The following PAPSS1 variants were observed in gnomAD, a reference collection of about 807,000 sequenced individuals.
PAPSS1 encodes 3'-phosphoadenosine 5'-phosphosulfate synthase 1, also known as bifunctional 3'-phosphoadenosine 5'-phosphosulfate synthase 1.
In PAPSS1, 50 loss-of-function variants were observed where a neutral mutation model predicts 72.0. The ratio of observed to expected loss-of-function variants is 0.69; its 90% confidence interval spans 0.55 to 0.88. The LOEUF (loss-of-function observed/expected upper bound fraction) is 0.88, where lower values mean the gene tolerates loss of function less well. Among genes scored for constraint, PAPSS1 ranks in the 40% least tolerant of loss-of-function variants. PAPSS1 has a pLI of 0.00. For missense variants in PAPSS1, 657 were observed against 782.2 expected, an observed-to-expected ratio of 0.84 and a Z score of 1.91; for synonymous variants, 261 against 263.6, an observed-to-expected ratio of 0.99 and a Z score of 0.09.
At chr4:107,647,993 T>A (rs1391277547) in intron 9 of PAPSS1, among the ~76,000 whole-genome samples, 1 of 152,212 alleles carries the variant, frequency 6.6e-6, no homozygotes, top group African/African-American at 2.4e-5. Flanking sequence ...TCAATTCTTC[T>A]ACCTTTCCTA....
chr4:107,700,076 G>A (rs747754857), intron 2 of PAPSS1, among the ~76,000 whole-genome samples: 10 of 152,102 alleles, frequency 6.6e-5, no homozygotes, highest in Non-Finnish European at 1.2e-4. Context: ...ATGAGGAAAT[G>A]GGAAGAATGT....
chr4:107,709,449 C>A lies in PAPSS1; in HGVS notation c.61-8164G>T, dbSNP rs1002425316. 2.6e-5 allele frequency among the ~76,000 whole-genome samples: 4 copies of A among 152,206 alleles called. No individual in the cohort carries two copies. The East Asian group carries it at 7.7e-4, about 29-fold the overall frequency. On this transcript the variant is annotated intron_variant, in intron 1 of 11. Coordinates refer to ENST00000265174, the MANE Select transcript of PAPSS1 (RefSeq NM_005443.5). The stretch of plus-strand genomic sequence containing the variant: ...AGTTTAAATGATAATACTACTTCCC[C>A]AAAAGTAAACCATCTTTTAAAGCTA...
At chr4:107,672,210 A>G (rs565060024) in intron 5 of PAPSS1, among the ~76,000 whole-genome samples, 7 of 152,310 alleles carry the variant, frequency 4.6e-5, no homozygotes, top group African/African-American at 7.2e-5. Flanking sequence ...GGAGTGTCAG[A>G]AAGTGGGTGC....
intron 5 of PAPSS1, among the ~76,000 whole-genome samples, chr4:107,678,593 G>T (rs1323235076): frequency 1.3e-5 from 2 of 152,056 alleles, no homozygotes; most frequent in African/African-American, 4.8e-5. Flanking sequence ...CAGGTAAGAG[G>T]AAAACAGCTA....
chr4:107,659,573 CAGAG>C (rs545068742), intron 6 of PAPSS1, among the ~76,000 whole-genome samples: 1 of 152,040 alleles, frequency 6.6e-6, no homozygotes, highest in African/African-American at 2.4e-5. Context: ...CAATATAAGA[CAGAG>C]AGAGTCAAGT....
intron 1 of PAPSS1, among the ~76,000 whole-genome samples, chr4:107,702,893 A>T (rs771391866): frequency 2.6e-5 from 4 of 152,222 alleles, no homozygotes; most frequent in Non-Finnish European, 5.9e-5. Context: ...TTGCTGGATC[A>T]TATGGTAGTT....
intron 10 of PAPSS1, among the ~76,000 whole-genome samples, chr4:107,632,833 C>G (rs1003303360): frequency 7.2e-5 from 11 of 152,182 alleles, no homozygotes; most frequent in African/African-American, 2.7e-4. Context: ...AAAACCATCA[C>G]TGTTCCATAT....
chr4:107,629,241 G>A (rs72883523), intron 11 of PAPSS1, among the ~76,000 whole-genome samples: 284 of 152,304 alleles, frequency 1.9e-3, no homozygotes, highest in African/African-American at 6.3e-3. Flanking sequence ...AAAGAATGGT[G>A]AAATCACTGA....
chr4:107,659,777 G>A (rs1727121826), intron 6 of PAPSS1, among the ~76,000 whole-genome samples, 182 bp downstream of exon 6: 1 of 151,998 alleles, frequency 6.6e-6, no homozygotes, highest in African/African-American at 2.4e-5. Flanking sequence ...TGGTAACTTG[G>A]GAACATGGTT....
chr4:107,704,111 T>C, intron 1 of PAPSS1, among the ~76,000 whole-genome samples: 1 of 152,204 alleles, frequency 6.6e-6, no homozygotes, highest in Non-Finnish European at 1.5e-5. Flanking sequence ...GTAGCAACTA[T>C]AAATGAGATT....
intron 5 of PAPSS1, among the ~76,000 whole-genome samples, chr4:107,662,143 C>T (rs1179419232): frequency 6.6e-6 from 1 of 152,142 alleles, no homozygotes; most frequent in Non-Finnish European, 1.5e-5. Flanking sequence ...AAGAAATAAA[C>T]ACCGCTAGCT....
Position 107,693,901 on chromosome 4 carries a change from C to G in PAPSS1, c.281G>C (p.Gly94Ala). 6.2e-7 allele frequency: 1 copy of G among 1,613,772 alleles called. No individual in the cohort carries two copies. Among genetic ancestry groups the G allele is most frequent in the Non-Finnish European group, 8.5e-7 (1 of 1,179,782 alleles). ...YTLDGDNIRQ[G>A]LNKNLGFSPE... ...ACTAAAGCCAAGATTTTTATTGAGA[C>G]CTTGACGAATATTGTCACCATCCAG... The change falls in exon 3 of 12, where the codon GGT (glycine) becomes GCT (alanine). Residue 94 changes from glycine to alanine, a missense_variant. Gly to Ala is a moderately conservative substitution (Grantham distance 60). Coordinates refer to ENST00000265174, the MANE Select transcript of PAPSS1 (RefSeq NM_005443.5).
intron 4 of PAPSS1, 28 bp from the exon 5 acceptor site, chr4:107,682,161 G>A (rs778394369): frequency 1.8e-6 from 2 of 1,103,776 alleles, no homozygotes; most frequent in Non-Finnish European, 2.7e-6. Flanking sequence ...TAATAGAGTA[G>A]GGTGGAAAAT....
At chr4:107,638,989 C>T (rs1048037330) in intron 10 of PAPSS1, among the ~76,000 whole-genome samples, 2 of 152,150 alleles carry the variant, frequency 1.3e-5, no homozygotes, top group Non-Finnish European at 2.9e-5. Context: ...CCACACATTC[C>T]TATTCATACT....
At chr4:107,701,050 A>G (rs895076636) in intron 2 of PAPSS1, 121 bp downstream of exon 2, 10 of 497,910 alleles carry the variant, frequency 2.0e-5, no homozygotes, top group African/African-American at 1.4e-4. Context: ...TATGTCAGTT[A>G]TATGTCGTGA....
In PAPSS1 at chr4:107,644,972, G is replaced by A. The variant is rs146467824; in HGVS notation, c.1336C>T (p.Arg446Cys). The change falls in exon 10 of 12, where the codon CGC becomes TGC. Residue 446 changes from arginine (R) to cysteine (C), a missense_variant. Physicochemically the swap from Arg to Cys is radical, Grantham distance 180. Transcript: ENST00000265174. ...AGAGGGTGGAGGAGGAGGACAGGGC[G>A]CCGGTAGCCCCTCTCTAGAAGTTGC... is the stretch of plus-strand genomic sequence containing the variant. ...HKQLLERGYR[R>C]PVLLLHPLGG... is the part of the protein sequence containing the mutation. 58 of 1,613,610 alleles carry A rather than the reference G, an allele frequency of 3.6e-5. 1 individual carries two copies. The highest frequency in any genetic ancestry group is 1.7e-4 in the Middle Eastern group (1 of 6,056).
At chr4:107,672,205 G>C (rs968432183) in intron 5 of PAPSS1, among the ~76,000 whole-genome samples, 1 of 152,174 alleles carries the variant, frequency 6.6e-6, no homozygotes. Flanking sequence ...ACTGGGGAGT[G>C]TCAGAAAGTG....
chr4:107,665,651 C>T (rs890540780), intron 5 of PAPSS1, among the ~76,000 whole-genome samples: 2 of 152,086 alleles, frequency 1.3e-5, no homozygotes, highest in African/African-American at 4.8e-5. Flanking sequence ...GTAAATGACC[C>T]ACACTCTACT....
chr4:107,640,509 A>G (rs1178347727), intron 10 of PAPSS1, among the ~76,000 whole-genome samples: 6 of 152,176 alleles, frequency 3.9e-5, no homozygotes, highest in Non-Finnish European at 8.8e-5. Flanking sequence ...AATAAGCATT[A>G]CTGACAGACT....
Sources: allele counts gnomAD v4.1 joint callset (sites outside exome capture counted in the v4.1 genomes callset), GRCh38; gene constraint gnomAD v4.1.1; transcripts MANE v1.5; gene names NCBI Gene and HGNC (gene_info 2026-07-23, HGNC 2026-07-21).